DMD: variants seen among roughly 807,000 people sequenced by gnomAD.
The protein encoded by DMD is dystrophin.
A neutral mutation model predicts 330.1 loss-of-function variants in DMD; 63 were observed. That is an observed-to-expected ratio of 0.19 (90% CI 0.16 to 0.24). DMD has a LOEUF of 0.24. DMD is among the 10% of genes least tolerant of loss of function. The pLI, the probability that DMD is intolerant of heterozygous loss-of-function variation, is 1.00. For missense variants in DMD, 3,344 were observed against 2,684.1 expected, an observed-to-expected ratio of 1.25 and a Z score of -5.43; for synonymous variants, 1,223 against 959.8, an observed-to-expected ratio of 1.27 and a Z score of -5.07.
chrX:31,855,658 CT>C (rs1481070543), intron 48 of DMD, among the ~76,000 whole-genome samples: 1 of 111,313 alleles, frequency 9.0e-6, no homozygotes, highest in Non-Finnish European at 1.9e-5. Context: ...TAAAACAACT[CT>C]TTCTAAGTGC....
chrX:31,432,977 T>G (rs1028496922), intron 60 of DMD, among the ~76,000 whole-genome samples: 1 of 111,837 alleles, frequency 8.9e-6, no homozygotes, highest in African/African-American at 3.3e-5. Flanking sequence ...ACACTGAGGT[T>G]TGGAGTACAG....
At chrX:32,471,797 G>A (rs182459883) in intron 22 of DMD, among the ~76,000 whole-genome samples, 3 of 111,778 alleles carry the variant, frequency 2.7e-5, no homozygotes, top group Non-Finnish European at 5.6e-5. Context: ...ACTGTACACT[G>A]ATTTTACCCA....
chrX:31,899,204 A>T (rs979828768), intron 47 of DMD, among the ~76,000 whole-genome samples: 7 of 111,835 alleles, frequency 6.3e-5, no homozygotes, highest in African/African-American at 2.3e-4. Flanking sequence ...TTAGCACAGG[A>T]TTTGTAATAA....
chrX:32,272,014 A>G (rs1280829204), intron 43 of DMD, among the ~76,000 whole-genome samples: 1 of 111,859 alleles, frequency 8.9e-6, no homozygotes, highest in Non-Finnish European at 1.9e-5. Flanking sequence ...AAATATTAAC[A>G]TGTATTGAAC....
chrX:31,854,528 T>C (rs1032008977), intron 48 of DMD, among the ~76,000 whole-genome samples: 4 of 111,514 alleles, frequency 3.6e-5, no homozygotes, highest in Non-Finnish European at 5.6e-5. Flanking sequence ...TCAGCAATAC[T>C]ATTACCATTT....
rs180725266 is a variant in DMD, at chrX:33,266,893, C to T, written c.7+72366G>A. Among the ~76,000 whole-genome samples, 15 of 110,276 alleles carry T rather than the reference C, an allele frequency of 1.4e-4. No homozygotes were observed. The Admixed American group carries it at 1.5e-3, about 11-fold the overall frequency. The stretch of plus-strand genomic sequence containing the variant: ...GACAAATCCATAGCCAACATCATAC[C>T]GAATGGGCAAAAGTTGGAACGATTC... On this transcript the variant is annotated intron_variant, in intron 1 of 17. Transcript: ENST00000288447.
At chrX:32,563,076 T>A (rs1482319980) in intron 16 of DMD, among the ~76,000 whole-genome samples, 1 of 110,648 alleles carries the variant, frequency 9.0e-6, no homozygotes, top group Non-Finnish European at 1.9e-5. Context: ...CGCGGTGACT[T>A]ATGTCTGTAA....
At chrX:32,863,295 T>A (rs1333354914) in intron 2 of DMD, among the ~76,000 whole-genome samples, 2 of 109,308 alleles carry the variant, frequency 1.8e-5, no homozygotes, top group East Asian at 5.8e-4. Flanking sequence ...GAAGGGCAGA[T>A]CACTTGAAGC....
At chrX:31,983,911 A>G (rs1854685319) in intron 44 of DMD, among the ~76,000 whole-genome samples, 1 of 111,623 alleles carries the variant, frequency 9.0e-6, no homozygotes, top group Admixed American at 9.5e-5. Flanking sequence ...TCCTGCAGAT[A>G]AAGGTCCCAG....
chrX:33,270,308 T>C (rs769671551), intron 1 of DMD, among the ~76,000 whole-genome samples: 54 of 108,446 alleles, frequency 5.0e-4, no homozygotes, highest in Middle Eastern at 4.7e-3. Flanking sequence ...AAAGTAAGGC[T>C]GAGTTTATCC....
chrX:31,293,663 G>A (rs1224890023), intron 62 of DMD, among the ~76,000 whole-genome samples: 1 of 111,882 alleles, frequency 8.9e-6, no homozygotes, highest in Admixed American at 9.5e-5. Context: ...ATGGAGATAA[G>A]AAATCTCCCC....
intron 62 of DMD, among the ~76,000 whole-genome samples, chrX:31,315,078 C>T (rs1248676264): frequency 3.6e-5 from 4 of 111,962 alleles, no homozygotes; most frequent in African/African-American, 1.3e-4. Context: ...CCCAGGGGAA[C>T]AGAATAAGAA....
chrX:31,371,246 G>C (rs878997834), intron 60 of DMD, among the ~76,000 whole-genome samples: 1 of 110,893 alleles, frequency 9.0e-6, no homozygotes, highest in Non-Finnish European at 1.9e-5. Context: ...AAAATGCTGA[G>C]ATCTAGTAGT....
At chrX:33,115,758 G>A (rs1366187533) in intron 1 of DMD, among the ~76,000 whole-genome samples, 1 of 109,783 alleles carries the variant, frequency 9.1e-6, no homozygotes, top group Admixed American at 9.7e-5. Flanking sequence ...CTCGTGATCC[G>A]CCGGCCTCCC....
intron 20 of DMD, among the ~76,000 whole-genome samples, chrX:32,488,979 A>T (rs1569564771): frequency 9.0e-6 from 1 of 110,931 alleles, no homozygotes; most frequent in East Asian, 2.8e-4. Flanking sequence ...CTAACTTATC[A>T]CAAAAGTCTC....
intron 62 of DMD, among the ~76,000 whole-genome samples, chrX:31,308,663 C>T (rs1456236199): frequency 2.7e-5 from 3 of 111,486 alleles, no homozygotes; most frequent in Non-Finnish European, 3.8e-5. Context: ...CTTCCTGCTT[C>T]GGCTTCCCAA....
chrX:31,122,582 T>C (rs1252307623), intron 78 of DMD, among the ~76,000 whole-genome samples: 3 of 111,576 alleles, frequency 2.7e-5, no homozygotes, highest in Non-Finnish European at 5.7e-5. Flanking sequence ...AACTCTTGAA[T>C]TGACCTTTTG....
At chrX:31,886,805 G>C (rs979714629) in intron 47 of DMD, among the ~76,000 whole-genome samples, 3 of 111,566 alleles carry the variant, frequency 2.7e-5, no homozygotes, top group Non-Finnish European at 5.7e-5. Context: ...ACTTAGACCA[G>C]AGATTTTACT....
chrX:33,209,034 A>G (rs776978044), intron 1 of DMD, among the ~76,000 whole-genome samples: 1 of 111,502 alleles, frequency 9.0e-6, no homozygotes, highest in South Asian at 3.7e-4. Context: ...TGAATGCTAT[A>G]GGAATAAAGA....
Sources: gnomAD v4.1 joint callset for allele counts (sites outside exome capture counted in the v4.1 genomes callset) on GRCh38, gnomAD v4.1.1 for gene constraint, MANE v1.5 for transcripts, NCBI Gene and HGNC (gene_info 2026-07-23, HGNC 2026-07-21) for gene names.